Variants in RMDN2 observed in about 807,000 individuals in gnomAD.
RMDN2 encodes the protein regulator of microtubule dynamics protein 2.
A neutral mutation model predicts 52.8 loss-of-function variants in RMDN2; 61 were observed. The ratio of observed to expected loss-of-function variants is 1.16; its 90% CI spans 0.94 to 1.43. The LOEUF is 1.43. Ranked by LOEUF, RMDN2 falls within the 40% of genes most tolerant of loss-of-function variation. The pLI, the probability that RMDN2 is intolerant of heterozygous loss-of-function variation, is 0.00. For missense variants in RMDN2, 592 were observed against 475.3 expected (o/e 1.25, Z -2.28); for synonymous variants, 180 against 153.1 (o/e 1.18, Z -1.30).
chr2:37,966,543 T>G (rs994676695), intron 2 of RMDN2, among the ~76,000 whole-genome samples: 8 of 152,332 alleles, frequency 5.3e-5, no homozygotes, highest in Non-Finnish European at 1.0e-4. Flanking sequence ...CCCTACAATA[T>G]GTGTATATGT....
intron 10 of RMDN2, among the ~76,000 whole-genome samples, chr2:38,063,081 T>A (rs1172004580): frequency 1.3e-5 from 2 of 152,226 alleles, no homozygotes; most frequent in Non-Finnish European, 2.9e-5. Context: ...TAAACATACA[T>A]GTGCATGTGT....
intron 10 of RMDN2, among the ~76,000 whole-genome samples, chr2:38,061,507 G>C (rs1384995418): frequency 6.6e-6 from 1 of 151,470 alleles, no homozygotes; most frequent in East Asian, 2.0e-4. Context: ...GTAACTCAGT[G>C]CCTGTATTTT....
At chr2:38,017,071 C>A in intron 10 of RMDN2, 115 bp from the exon 11 acceptor site, 1 of 490,358 alleles carries the variant, frequency 2.0e-6, no homozygotes, top group Non-Finnish European at 3.4e-6. Context: ...CCCTCATGAA[C>A]CTTAAAGTTC....
chr2:37,921,275 T>C (rs1666022324), upstream of RMDN2, among the ~76,000 whole-genome samples: 1 of 152,268 alleles, frequency 6.6e-6, no homozygotes, highest in Non-Finnish European at 1.5e-5. Context: ...CTTATCCTAA[T>C]GCTTTTTTCA....
In RMDN2 at chr2:37,928,465, T is replaced by G. The variant is rs553998422; in HGVS notation, c.-16-797T>G. On this transcript the variant is annotated intron_variant, in intron 1 of 10. Transcript: ENST00000354545. ...GATGGTGAATTTCGGGTATACAACC[T>G]AATTCAGAATTTTCATCTTACTGAT... 1.6e-3 allele frequency among the ~76,000 whole-genome samples: 237 copies of G among 152,338 alleles called. 4 individuals are homozygous for G. The highest frequency in any genetic ancestry group is 5.0e-3 in the African/African-American group (206 of 41,570).
chr2:37,964,174 C>CA lies in RMDN2; in HGVS notation c.453-9865dup, dbSNP rs772451319. Reference sequence around the variant, plus strand: ...CCGGGCGGAGGGGCTCCTCACTTCTCAGACAGGGCAGCTGCCGGGCGGAGG... The same window carrying CA: ...CCGGGCGGAGGGGCTCCTCACTTCTCAAGACAGGGCAGCTGCCGGGCGGAGG... On this transcript the variant is annotated intron_variant, in intron 2 of 10. Coordinates refer to ENST00000354545, the MANE Select transcript of RMDN2 (RefSeq NM_001170791.3). Among the ~76,000 whole-genome samples the CA allele has an allele frequency of 4.8e-4, 73 of 152,054 alleles. No homozygotes were observed. The Middle Eastern group carries it at 0.01, about 21-fold the overall frequency.
chr2:38,052,254 T>G (rs1332593681), intron 10 of RMDN2, among the ~76,000 whole-genome samples: 1 of 152,178 alleles, frequency 6.6e-6, no homozygotes, highest in African/African-American at 2.4e-5. Context: ...TTATAATAAT[T>G]TGCATTTCTC....
intron 10 of RMDN2, among the ~76,000 whole-genome samples, chr2:38,026,585 CTT>C (rs1444933276): frequency 2.0e-5 from 3 of 151,640 alleles, no homozygotes; most frequent in Non-Finnish European, 4.4e-5. Context: ...TGATATAAGA[CTT>C]TACTTGTTTT....
chr2:38,035,888 G>C (rs1240922541), intron 10 of RMDN2: 4 of 152,116 alleles, frequency 2.6e-5, no homozygotes, highest in African/African-American at 9.7e-5. Context: ...TCTGGACACA[G>C]AAACTCTACC....
chr2:38,022,493 C>G (rs1679466133), downstream of RMDN2, among the ~76,000 whole-genome samples: 1 of 152,234 alleles, frequency 6.6e-6, no homozygotes, highest in Non-Finnish European at 1.5e-5. Flanking sequence ...AGTACCCAAA[C>G]TGCTAACTTC....
At chr2:38,056,327 G>C (rs914471859) in intron 10 of RMDN2, among the ~76,000 whole-genome samples, 4 of 152,166 alleles carry the variant, frequency 2.6e-5, no homozygotes, top group African/African-American at 9.7e-5. Context: ...GTCTCTAGGA[G>C]AATTACGTAG....
At chr2:38,020,661 G>A (rs963902220), downstream of RMDN2, among the ~76,000 whole-genome samples, 4 of 152,200 alleles carry the variant, frequency 2.6e-5, no homozygotes, top group Non-Finnish European at 5.9e-5. Flanking sequence ...CCAGGCCAGC[G>A]GCTGCAGAGG....
upstream of RMDN2, among the ~76,000 whole-genome samples, chr2:37,924,989 CG>C (rs1666150918): frequency 6.6e-6 from 1 of 152,132 alleles, no homozygotes; most frequent in Non-Finnish European, 1.5e-5. Flanking sequence ...GTTTGAGAGC[CG>C]GAACGAAGCG....
chr2:38,015,977 C>T (rs2125244627), intron 10 of RMDN2, among the ~76,000 whole-genome samples: 1 of 152,266 alleles, frequency 6.6e-6, no homozygotes, highest in East Asian at 1.9e-4. Flanking sequence ...CAAACCATAA[C>T]CTGAGTTCTT....
chr2:37,961,120 C>A (rs1319331330), intron 2 of RMDN2, among the ~76,000 whole-genome samples: 1 of 152,058 alleles, frequency 6.6e-6, no homozygotes, highest in Admixed American at 6.6e-5. Context: ...CTGCCCTTAA[C>A]ATTTTTTGTT....
chr2:37,931,312 ACT>A (rs2124892888), intron 2 of RMDN2, among the ~76,000 whole-genome samples: 1 of 152,298 alleles, frequency 6.6e-6, no homozygotes, highest in African/African-American at 2.4e-5. Context: ...GCAGATTAGT[ACT>A]CTAATAATGA....
At chr2:37,934,093 T>A (rs891297462) in intron 2 of RMDN2, among the ~76,000 whole-genome samples, 2 of 152,240 alleles carry the variant, frequency 1.3e-5, no homozygotes, top group Non-Finnish European at 2.9e-5. Context: ...ATGTTCCATA[T>A]GTAACATTTC....
intron 2 of RMDN2, among the ~76,000 whole-genome samples, chr2:37,937,289 C>G (rs570982983): frequency 2.0e-5 from 3 of 152,258 alleles, no homozygotes; most frequent in African/African-American, 7.2e-5. Context: ...CAGTACCATG[C>G]TGTTTTGGTT....
intron 8 of RMDN2, among the ~76,000 whole-genome samples, chr2:38,000,529 A>G (rs936625808): frequency 6.6e-6 from 1 of 152,040 alleles, no homozygotes; most frequent in Non-Finnish European, 1.5e-5. Context: ...CCAAGTAACC[A>G]CTGATCTGCT....
Sources: gnomAD v4.1 joint callset for allele counts (sites outside exome capture counted in the v4.1 genomes callset) on GRCh38, gnomAD v4.1.1 for gene constraint, MANE v1.5 for transcripts, NCBI Gene and HGNC (gene_info 2026-07-23, HGNC 2026-07-21) for gene names.